The following CFAP96 variants were observed in gnomAD, a reference collection of about 807,000 sequenced individuals.
CFAP96 encodes cilia-and flagella-associated protein 96.
At chr4:185,426,948 C>T in the CFAP96 span, among the ~76,000 whole-genome samples, 1 of 147,270 alleles carries the variant, frequency 6.8e-6, no homozygotes, top group Non-Finnish European at 1.5e-5. Context: ...CTTGTAGTCC[C>T]AGCTACTCGG....
chr4:185,418,825 T>C, the CFAP96 span: 2 of 1,395,124 alleles, frequency 1.4e-6, no homozygotes, highest in East Asian at 2.5e-5. Context: ...TCAACATGAA[T>C]GGTTCCAAAC....
the CFAP96 span, among the ~76,000 whole-genome samples, chr4:185,446,810 G>A: frequency 2.0e-5 from 3 of 152,076 alleles, no homozygotes. Context: ...TTATCTTCTG[G>A]TTTCATGGGG....
the CFAP96 span, chr4:185,413,692 C>T: frequency 6.3e-7 from 1 of 1,577,546 alleles, no homozygotes; most frequent in Non-Finnish European, 8.6e-7. Flanking sequence ...CATTACTGAT[C>T]CAGTGACTCC....
chr4:185,415,083 A>C, the CFAP96 span: 6 of 1,281,556 alleles, frequency 4.7e-6, no homozygotes, highest in African/African-American at 1.6e-5. Flanking sequence ...CATTTAGTGG[A>C]AATATATAAT....
At chr4:185,420,577 A>G in the CFAP96 span, among the ~76,000 whole-genome samples, 2 of 152,208 alleles carry the variant, frequency 1.3e-5, no homozygotes, top group Non-Finnish European at 2.9e-5. Flanking sequence ...GAGATTACTC[A>G]TAACAAATCA....
the CFAP96 span, among the ~76,000 whole-genome samples, chr4:185,425,516 C>T: frequency 1.3e-5 from 2 of 152,162 alleles, no homozygotes; most frequent in Admixed American, 1.3e-4. Context: ...GGAAATACCA[C>T]GGGAACTAGG....
the CFAP96 span, among the ~76,000 whole-genome samples, chr4:185,439,945 CAT>C: frequency 0.082 from 11,708 of 142,482 alleles, 563 homozygotes; most frequent in Middle Eastern, 0.14. Flanking sequence ...ATATATGTAT[CAT>C]ATATATGATA....
chr4:185,442,632 C>T, the CFAP96 span, among the ~76,000 whole-genome samples: 2 of 152,228 alleles, frequency 1.3e-5, no homozygotes, highest in African/African-American at 2.4e-5. Flanking sequence ...ATGTCATGCT[C>T]ATGCCCAATT....
At chr4:185,416,489 G>A in the CFAP96 span, among the ~76,000 whole-genome samples, 8 of 152,068 alleles carry the variant, frequency 5.3e-5, 1 homozygote, top group Middle Eastern at 3.2e-3. Context: ...AACTTATTTC[G>A]CAAAATACTG....
chr4:185,431,629 C>G, the CFAP96 span, among the ~76,000 whole-genome samples: 1 of 152,234 alleles, frequency 6.6e-6, no homozygotes, highest in Non-Finnish European at 1.5e-5. Flanking sequence ...CACACTCTCA[C>G]TGACATCTCA....
At chr4:185,425,917 CG>C in the CFAP96 span, 6 of 1,575,444 alleles carry the variant, frequency 3.8e-6, 1 homozygote, top group South Asian at 4.6e-5. Context: ...CCAAAAGTTC[CG>C]GGGGCCGGCC....
the CFAP96 span, among the ~76,000 whole-genome samples, chr4:185,432,585 G>A: frequency 6.6e-6 from 1 of 152,096 alleles, no homozygotes; most frequent in Non-Finnish European, 1.5e-5. Context: ...ATATGAGGCT[G>A]GGTGCAGTGG....
chr4:185,445,244 G>C, the CFAP96 span: 1 of 985,392 alleles, frequency 1.0e-6, no homozygotes, highest in Admixed American at 2.7e-5. Flanking sequence ...ACAAATGTGG[G>C]TGACTTTAGA....
the CFAP96 span, among the ~76,000 whole-genome samples, chr4:185,421,315 TG>T: frequency 6.6e-6 from 1 of 152,330 alleles, no homozygotes; most frequent in South Asian, 2.1e-4. Flanking sequence ...CAAGGAATGC[TG>T]GTATCTGATA....
chr4:185,415,254 G>A, the CFAP96 span: 1 of 1,601,976 alleles, frequency 6.2e-7, no homozygotes, highest in South Asian at 1.1e-5. Context: ...GTGGTTCAGG[G>A]ACCACAATAG....
the CFAP96 span, among the ~76,000 whole-genome samples, chr4:185,434,800 G>A: frequency 9.7e-3 from 1,475 of 151,904 alleles, 17 homozygotes; most frequent in Non-Finnish European, 0.016. Context: ...GTGCAGTGGC[G>A]CGATCTCAGC....
the CFAP96 span, chr4:185,440,572 A>T: frequency 6.5e-7 from 1 of 1,534,826 alleles, no homozygotes; most frequent in East Asian, 2.5e-5. Flanking sequence ...GTTTACTTAA[A>T]GGAGCACCAT....
chr4:185,446,721 CACA>C, the CFAP96 span, among the ~76,000 whole-genome samples: 128,882 of 151,896 alleles, frequency 0.85, 55,596 homozygotes, highest in East Asian at 0.99. Context: ...ATCTATAGCC[CACA>C]ACATTTTTTG....
chr4:185,431,994 A>C, the CFAP96 span: 1 of 1,551,186 alleles, frequency 6.4e-7, no homozygotes, highest in Non-Finnish European at 8.7e-7. Flanking sequence ...CCCTTTAATG[A>C]GGCTGCAAGC....
Sources: allele counts gnomAD v4.1 joint callset (sites outside exome capture counted in the v4.1 genomes callset), GRCh38; gene constraint gnomAD v4.1.1; transcripts MANE v1.5; gene names NCBI Gene and HGNC (gene_info 2026-07-23, HGNC 2026-07-21).